CIMAP1C: variants seen among roughly 807,000 people sequenced by gnomAD.
CIMAP1C encodes outer dense fiber of sperm tails 3 like 1.
chr15:75,726,211 T>C, the CIMAP1C span: 1 of 1,236,460 alleles, frequency 8.1e-7, no homozygotes, highest in Non-Finnish European at 1.2e-6. Flanking sequence ...GGTTGGGAGG[T>C]TGGGGGGTGG....
At chr15:75,727,162 C>A in the CIMAP1C span, 20 of 1,614,138 alleles carry the variant, frequency 1.2e-5, no homozygotes, top group Non-Finnish European at 1.7e-5. Flanking sequence ...GGCGCCCATA[C>A]AGAGTGATGG....
At chr15:75,725,184 A>G in the CIMAP1C span, 1 of 1,614,006 alleles carries the variant, frequency 6.2e-7, no homozygotes, top group Non-Finnish European at 8.5e-7. Context: ...TCAAGGCACC[A>G]GCTTATACCC....
the CIMAP1C span, among the ~76,000 whole-genome samples, chr15:75,726,520 T>G: frequency 6.6e-6 from 1 of 152,146 alleles, no homozygotes; most frequent in Non-Finnish European, 1.5e-5. Flanking sequence ...CTGGGGGTAA[T>G]CCAAGGGGAA....
chr15:75,727,341 C>T, the CIMAP1C span: 1 of 1,614,122 alleles, frequency 6.2e-7, no homozygotes, highest in South Asian at 1.1e-5. Context: ...CGACCTGAGC[C>T]ATCCATCTAT....
chr15:75,727,210 C>T, the CIMAP1C span: 2 of 1,614,156 alleles, frequency 1.2e-6, no homozygotes, highest in Non-Finnish European at 1.7e-6. Context: ...AGATGCCACT[C>T]TTGCTGGGGC....
At chr15:75,727,118 G>A in the CIMAP1C span, 3 of 1,613,986 alleles carry the variant, frequency 1.9e-6, no homozygotes, top group South Asian at 1.1e-5. Flanking sequence ...CCCACCGGGG[G>A]AACGCAGGGC....
the CIMAP1C span, among the ~76,000 whole-genome samples, chr15:75,724,887 A>G: frequency 5.3e-5 from 8 of 152,248 alleles, no homozygotes; most frequent in Admixed American, 4.6e-4. Flanking sequence ...AACTGTAACT[A>G]TTAGCTTCTT....
chr15:75,727,324 G>C, the CIMAP1C span: 2 of 1,614,106 alleles, frequency 1.2e-6, no homozygotes, highest in Middle Eastern at 1.6e-4. Context: ...GACCTACCAC[G>C]TACGCCCGAC....
At chr15:75,727,162 C>T in the CIMAP1C span, 40 of 1,614,138 alleles carry the variant, frequency 2.5e-5, no homozygotes, top group East Asian at 6.2e-4. Context: ...GGCGCCCATA[C>T]AGAGTGATGG....
chr15:75,727,539 G>A, the CIMAP1C span: 1 of 1,574,068 alleles, frequency 6.4e-7, no homozygotes, highest in African/African-American at 1.3e-5. Flanking sequence ...ATTCGTGACT[G>A]AGGCCCCTCT....
the CIMAP1C span, chr15:75,724,995 C>T: frequency 1.2e-4 from 84 of 682,842 alleles, no homozygotes; most frequent in South Asian, 1.3e-3. Context: ...CGTGGCAGTG[C>T]GATAGCAGCA....
At chr15:75,726,188 G>T in the CIMAP1C span, 1 of 1,379,612 alleles carries the variant, frequency 7.2e-7, no homozygotes, top group Non-Finnish European at 1.0e-6. Context: ...TGGGGTTATG[G>T]ACAGATGTTG....
chr15:75,725,199 T>G, the CIMAP1C span: 1 of 1,613,320 alleles, frequency 6.2e-7, no homozygotes, highest in South Asian at 1.1e-5. Context: ...ATACCCTGCA[T>G]AGCCGGCACT....
the CIMAP1C span, chr15:75,725,128 C>G: frequency 6.2e-7 from 1 of 1,613,966 alleles, no homozygotes; most frequent in Non-Finnish European, 8.5e-7. Context: ...CGCCAAGTAC[C>G]TCCGGCCATC....
chr15:75,724,094 G>A, the CIMAP1C span: 2 of 724,014 alleles, frequency 2.8e-6, no homozygotes, highest in South Asian at 1.7e-5. Flanking sequence ...AGCTTCCTCC[G>A]TGTCTGGGGT....
At chr15:75,727,523 A>T in the CIMAP1C span, 2 of 1,588,044 alleles carry the variant, frequency 1.3e-6, no homozygotes, top group African/African-American at 2.7e-5. Flanking sequence ...CCCACTGGTC[A>T]TCGACATTCG....
the CIMAP1C span, chr15:75,724,179 G>T: frequency 1.3e-6 from 2 of 1,551,698 alleles, no homozygotes; most frequent in African/African-American, 1.4e-5. Context: ...AGCTGCTGCT[G>T]CTCCCTGCCC....
chr15:75,724,123 AG>A, the CIMAP1C span: 1 of 914,340 alleles, frequency 1.1e-6, no homozygotes, highest in South Asian at 1.4e-5. Flanking sequence ...GGGGGGTCTC[AG>A]GCAGGGATAC....
the CIMAP1C span, chr15:75,727,481 A>C: frequency 2.5e-5 from 40 of 1,611,944 alleles, no homozygotes; most frequent in Non-Finnish European, 3.4e-5. Flanking sequence ...CCCTGCTTTC[A>C]CCATGGGCAT....
Sources: allele counts gnomAD v4.1 joint callset (sites outside exome capture counted in the v4.1 genomes callset), GRCh38; gene constraint gnomAD v4.1.1; transcripts MANE v1.5; gene names NCBI Gene and HGNC (gene_info 2026-07-23, HGNC 2026-07-21).